The following PCCA variants were observed in gnomAD, a reference collection of about 807,000 sequenced individuals.
PCCA encodes the protein propionyl-CoA carboxylase subunit alpha.
In PCCA, 74 loss-of-function variants were observed where a neutral mutation model predicts 101.3. The observed-to-expected ratio is 0.73, with a 90% confidence interval of 0.61 to 0.89. PCCA has a LOEUF of 0.89. PCCA is among the 40% of genes least tolerant of loss of function. The pLI, the probability that PCCA is intolerant of heterozygous loss-of-function variation, is 0.00. For synonymous variants in PCCA, 294 were observed against 313.6 expected (o/e 0.94, Z 0.66); for missense variants, 891 against 907.0 (o/e 0.98, Z 0.23).
intron 4 of PCCA, among the ~76,000 whole-genome samples, chr13:100,122,273 G>A (rs1207744634): frequency 2.0e-5 from 3 of 152,050 alleles, no homozygotes; most frequent in Non-Finnish European, 4.4e-5. Context: ...TATTAATTTT[G>A]TGTTCATATT....
chr13:100,492,147 T>A (rs1011152985), intron 21 of PCCA, among the ~76,000 whole-genome samples: 2 of 152,134 alleles, frequency 1.3e-5, no homozygotes, highest in African/African-American at 4.8e-5. Flanking sequence ...CTCTCTTTTT[T>A]TTTTTGGGAC....
intron 4 of PCCA, among the ~76,000 whole-genome samples, chr13:100,121,452 G>C (rs182082367): frequency 2.7e-5 from 4 of 145,676 alleles, no homozygotes. Context: ...GAGCCACTGC[G>C]TCTGGGCCTT....
intron 21 of PCCA, among the ~76,000 whole-genome samples, chr13:100,469,432 G>A (rs1305919512): frequency 6.6e-6 from 1 of 152,066 alleles, no homozygotes; most frequent in Non-Finnish European, 1.5e-5. Flanking sequence ...GAAACCTCAT[G>A]CTTTGGAATT....
At chr13:100,306,880 C>T (rs960125737) in intron 14 of PCCA, among the ~76,000 whole-genome samples, 1 of 152,206 alleles carries the variant, frequency 6.6e-6, no homozygotes, top group Non-Finnish European at 1.5e-5. Flanking sequence ...GGGCATCGTC[C>T]ATGCCATGCT....
chr13:100,524,445 T>A, intron 22 of PCCA, among the ~76,000 whole-genome samples: 1 of 151,274 alleles, frequency 6.6e-6, no homozygotes, highest in Non-Finnish European at 1.5e-5. Context: ...GAGCAAGATG[T>A]ATCTCACTAT....
chr13:100,331,706 A>G (rs1335463343), intron 17 of PCCA, among the ~76,000 whole-genome samples: 1 of 152,158 alleles, frequency 6.6e-6, no homozygotes, highest in African/African-American at 2.4e-5. Flanking sequence ...TGTTTTTCAT[A>G]AACTTTTGAA....
chr13:100,474,240 G>T (rs1431612605), intron 21 of PCCA, among the ~76,000 whole-genome samples: 1 of 152,122 alleles, frequency 6.6e-6, no homozygotes. Context: ...AAATGCAAAT[G>T]AGTTAATTTG....
chr13:100,164,547 T>C lies in PCCA; in HGVS notation c.468+7207T>C, dbSNP rs563974470. ...TTTTCCCCTGACTCCTTGACTCTTA[T>C]GTAGTTGGGTATACAAGAATGACCC... On this transcript the variant is annotated intron_variant, in intron 6 of 23. Coordinates refer to ENST00000376285, the MANE Select transcript of PCCA (RefSeq NM_000282.4). Among the ~76,000 whole-genome samples the C allele has an allele frequency of 1.6e-3, 239 of 152,340 alleles. 1 individual carries two copies. The highest frequency in any genetic ancestry group is 5.5e-3 in the African/African-American group (229 of 41,588).
chr13:100,095,273 G>A (rs1318641144), intron 1 of PCCA, among the ~76,000 whole-genome samples: 3 of 152,096 alleles, frequency 2.0e-5, no homozygotes, highest in African/African-American at 7.2e-5. Context: ...CCTTCACTTT[G>A]TTGTATTGGC....
At chr13:100,428,254 G>A (rs1412312503) in intron 20 of PCCA, among the ~76,000 whole-genome samples, 1 of 151,702 alleles carries the variant, frequency 6.6e-6, no homozygotes, top group Non-Finnish European at 1.5e-5. Flanking sequence ...ATTTTGTAGA[G>A]ATGAGGCCTC....
intron 8 of PCCA, among the ~76,000 whole-genome samples, chr13:100,245,569 A>T (rs561589492): frequency 6.6e-6 from 1 of 152,316 alleles, no homozygotes; most frequent in Admixed American, 6.5e-5. Context: ...GCTAAGGCTG[A>T]TGGAGTTTCC....
chr13:100,348,787 T>TTCCCTC, intron 18 of PCCA, among the ~76,000 whole-genome samples: 1 of 46,622 alleles, frequency 2.1e-5, no homozygotes, highest in Non-Finnish European at 4.5e-5. Context: ...TTTCTTTCTT[T>TTCCCTC]CTTCCTTCCT....
At chr13:100,114,656 A>C (rs1027034635) in intron 4 of PCCA, among the ~76,000 whole-genome samples, 1 of 152,244 alleles carries the variant, frequency 6.6e-6, no homozygotes, top group Non-Finnish European at 1.5e-5. Context: ...AAGACATACA[A>C]ATCACAAACA....
chr13:100,305,428 G>A (rs1275385350), intron 14 of PCCA, among the ~76,000 whole-genome samples: 1 of 152,086 alleles, frequency 6.6e-6, no homozygotes, highest in Non-Finnish European at 1.5e-5. Flanking sequence ...TTTATTTGTG[G>A]GTTGAACATC....
intron 4 of PCCA, among the ~76,000 whole-genome samples, chr13:100,134,278 C>T (rs549985770): frequency 3.9e-5 from 6 of 152,178 alleles, no homozygotes; most frequent in Admixed American, 3.9e-4. Flanking sequence ...GTGTCTATTC[C>T]CTTGTCAGTA....
chr13:100,292,317 A>G (rs1347569420), intron 12 of PCCA, among the ~76,000 whole-genome samples: 3 of 152,226 alleles, frequency 2.0e-5, no homozygotes, highest in Non-Finnish European at 4.4e-5. Context: ...CACTCAGAGC[A>G]AGTAAATTCT....
In PCCA at chr13:100,477,895, G is replaced by C. The variant is rs138431403; in HGVS notation, c.1899+28590G>C. ...GATTGAATGCAGCCCTTCTTGTCCC[G>C]TCTGCAGAGCATGAGGAACAGCTGG... On this transcript the variant is annotated intron_variant, in intron 21 of 23. Coordinates refer to ENST00000376285, the MANE Select transcript of PCCA (RefSeq NM_000282.4). Among the ~76,000 whole-genome samples, 167 of 152,282 alleles carry C rather than the reference G, an allele frequency of 1.1e-3. 1 individual carries two copies. Among genetic ancestry groups the C allele is most frequent in the African/African-American group, 3.8e-3 (159 of 41,554 alleles).
chr13:100,201,848 A>G (rs373440787), intron 6 of PCCA, among the ~76,000 whole-genome samples: 2 of 119,846 alleles, frequency 1.7e-5, no homozygotes, highest in African/African-American at 7.0e-5. Flanking sequence ...CAAGACTGAA[A>G]CTGCGTCTCA....
At chr13:100,501,870 T>TAAATAA (rs2085701567) in intron 21 of PCCA, among the ~76,000 whole-genome samples, 2 of 98,880 alleles carry the variant, frequency 2.0e-5, no homozygotes, top group Non-Finnish European at 4.5e-5. Flanking sequence ...GGACACTCCT[T>TAAATAA]CTCAATAAAT....
Sources: gnomAD v4.1 joint callset for allele counts (sites outside exome capture counted in the v4.1 genomes callset) on GRCh38, gnomAD v4.1.1 for gene constraint, MANE v1.5 for transcripts, NCBI Gene and HGNC (gene_info 2026-07-23, HGNC 2026-07-21) for gene names.